The following ATP8A2 variants were observed in gnomAD, a reference collection of about 807,000 sequenced individuals.
ATP8A2 encodes the protein phospholipid-transporting ATPase IB.
In ATP8A2, 100 loss-of-function variants were observed where a neutral mutation model predicts 165.6. The ratio of observed to expected loss-of-function variants is 0.60; its 90% CI spans 0.51 to 0.71. The LOEUF is 0.71. Among genes scored for constraint, ATP8A2 ranks in the 30% least tolerant of loss-of-function variants. The probability of loss-of-function intolerance (pLI) is 0.00; values close to 1 mark genes in which losing one functional copy is unlikely to be tolerated. For synonymous variants in ATP8A2, 543 were observed against 548.8 expected, an observed-to-expected ratio of 0.99 and a Z score of 0.15; for missense variants, 1,227 against 1,479.5, an observed-to-expected ratio of 0.83 and a Z score of 2.80.
At chr13:25,441,108 T>C (rs1254278455) in intron 1 of ATP8A2, among the ~76,000 whole-genome samples, 1 of 152,194 alleles carries the variant, frequency 6.6e-6, no homozygotes, top group Non-Finnish European at 1.5e-5. Context: ...ATTATTTTTC[T>C]CTCCCCCAGT....
rs530234367 is a variant in ATP8A2 at position 25,530,181 on chromosome 13, G to A, written c.321+83G>A. ...TGCTAAAGGTTCCTTAACTGCTAAA[G>A]TGTTATAATCTTGGAATATAGTTTG... On this transcript the variant is annotated intron_variant, in intron 3 of 36. Transcript: ENST00000381655. The A allele has an allele frequency of 3.6e-6, 3 of 835,302 alleles. 1 individual carries two copies. The South Asian group carries it at 4.6e-5, about 13-fold the overall frequency. 51.7% of individuals were successfully genotyped at this position (835,302 alleles called of 1,614,324 possible).
At chr13:25,733,057 T>G (rs1315175437) in intron 25 of ATP8A2, among the ~76,000 whole-genome samples, 1 of 152,166 alleles carries the variant, frequency 6.6e-6, no homozygotes, top group African/African-American at 2.4e-5. Context: ...AATAGCAATT[T>G]TACATGCCTT....
chr13:25,730,506 A>T (rs1329915649), intron 25 of ATP8A2, among the ~76,000 whole-genome samples: 1 of 152,180 alleles, frequency 6.6e-6, no homozygotes, highest in African/African-American at 2.4e-5. Flanking sequence ...CTCATAGGGT[A>T]GCTTCAACTC....
At chr13:25,535,155 C>T (rs2038236925) in intron 6 of ATP8A2, among the ~76,000 whole-genome samples, 1 of 152,112 alleles carries the variant, frequency 6.6e-6, no homozygotes, top group Non-Finnish European at 1.5e-5. Context: ...TAACTAGCTG[C>T]GGAACTGTGA....
chr13:25,383,108 C>G (rs113313413), intron 1 of ATP8A2, among the ~76,000 whole-genome samples: 5 of 150,924 alleles, frequency 3.3e-5, no homozygotes, highest in African/African-American at 4.9e-5. Context: ...CTCAGTGGCA[C>G]GATCTCAGCT....
chr13:25,753,025 C>T (rs1019933334), intron 25 of ATP8A2, among the ~76,000 whole-genome samples: 4 of 152,186 alleles, frequency 2.6e-5, no homozygotes, highest in African/African-American at 7.2e-5. Context: ...GCACCACCAG[C>T]GCTGGCTGCT....
intron 24 of ATP8A2, among the ~76,000 whole-genome samples, chr13:25,641,049 C>A (rs892055212): frequency 1.3e-5 from 2 of 152,168 alleles, no homozygotes; most frequent in African/African-American, 2.4e-5. Context: ...TGACAAAATT[C>A]AACAGCCCTT....
At chr13:25,959,573 T>G (rs963902570) in intron 33 of ATP8A2, among the ~76,000 whole-genome samples, 3 of 152,194 alleles carry the variant, frequency 2.0e-5, no homozygotes, top group African/African-American at 7.2e-5. Flanking sequence ...CACCTTCAAG[T>G]TTAATTTTGA....
chr13:25,843,716 C>T (rs1178706150), intron 30 of ATP8A2, among the ~76,000 whole-genome samples: 1 of 152,158 alleles, frequency 6.6e-6, no homozygotes, highest in African/African-American at 2.4e-5. Context: ...GCCGAAAGAA[C>T]TAAGACACTC....
rs1053230173 is a variant in ATP8A2 at position 26,002,702 on chromosome 13, A to G, written c.3378-9829A>G. On this transcript the variant is annotated intron_variant, in intron 35 of 36. Transcript: ENST00000381655. ...TTGTACTTTCTACTTCTATGAGTTC[A>G]ACTTTTTAAGATTCCATATATAAAT... 3.9e-5 allele frequency among the ~76,000 whole-genome samples: 6 copies of G among 152,162 alleles called. No individual in the cohort carries two copies. The East Asian group carries it at 1.2e-3, about 29-fold the overall frequency.
intron 1 of ATP8A2, among the ~76,000 whole-genome samples, chr13:25,453,109 A>G (rs1336698667): frequency 6.6e-6 from 1 of 151,872 alleles, no homozygotes; most frequent in Non-Finnish European, 1.5e-5. Context: ...AACAAAAAAT[A>G]GTGTTATATG....
chr13:25,859,226 ACAAAAACAAAAAAAAAC>A (rs943321020), intron 30 of ATP8A2, among the ~76,000 whole-genome samples: 1 of 151,790 alleles, frequency 6.6e-6, no homozygotes, highest in Non-Finnish European at 1.5e-5. Context: ...ACAAAACAAA[ACAAAAACAAAAAAAAAC>A]ACTACCCATT....
rs1050353878 is a variant in ATP8A2 at position 25,722,151 on chromosome 13, G to A, written c.2384+22806G>A. Among the ~76,000 whole-genome samples the A allele has an allele frequency of 1.1e-4, 16 of 152,080 alleles. No homozygotes were observed. In the East Asian group the frequency reaches 2.5e-3, roughly 24 times the overall value. ...ATTATGTGATGTCATGTGACTTCTC[G>A]CTTATAGCCATCCTAGTGGGTATGC... On this transcript the variant is annotated intron_variant, in intron 25 of 36. Coordinates refer to ENST00000381655, the MANE Select transcript of ATP8A2 (RefSeq NM_016529.6).
chr13:25,914,253 C>A (rs1409903420), intron 33 of ATP8A2, among the ~76,000 whole-genome samples: 1 of 152,126 alleles, frequency 6.6e-6, no homozygotes, highest in Non-Finnish European at 1.5e-5. Context: ...GGTATCACTT[C>A]CATTCCCATG....
intron 1 of ATP8A2, among the ~76,000 whole-genome samples, chr13:25,385,425 C>T (rs936068016): frequency 6.6e-6 from 1 of 152,226 alleles, no homozygotes; most frequent in Admixed American, 6.5e-5. Context: ...ATACCTCCTT[C>T]ACTGAATTAC....
chr13:26,016,246 A>G (rs190566442), intron 36 of ATP8A2, among the ~76,000 whole-genome samples: 18 of 152,318 alleles, frequency 1.2e-4, no homozygotes, highest in East Asian at 3.9e-4. Context: ...GGTGCAGCCA[A>G]TGGGAACTAG....
chr13:25,732,142 G>A (rs1480687874), intron 25 of ATP8A2, among the ~76,000 whole-genome samples: 1 of 152,146 alleles, frequency 6.6e-6, no homozygotes, highest in African/African-American at 2.4e-5. Flanking sequence ...GCTTTTCCCT[G>A]CTTTACTACT....
intron 1 of ATP8A2, among the ~76,000 whole-genome samples, chr13:25,408,013 G>A (rs1486050942): frequency 6.6e-6 from 1 of 152,014 alleles, no homozygotes; most frequent in Admixed American, 6.5e-5. Flanking sequence ...AAACCACCAT[G>A]GCACATGTAT....
At chr13:25,773,069 G>A (rs74871631) in intron 26 of ATP8A2, among the ~76,000 whole-genome samples, 4,351 of 152,216 alleles carry the variant, frequency 0.029, 191 homozygotes, top group African/African-American at 0.099. Flanking sequence ...TGAGAGTTAC[G>A]TTTAATTTCC....
Sources: allele counts gnomAD v4.1 joint callset (sites outside exome capture counted in the v4.1 genomes callset), GRCh38; gene constraint gnomAD v4.1.1; transcripts MANE v1.5; gene names NCBI Gene and HGNC (gene_info 2026-07-23, HGNC 2026-07-21).